FOXF1: variants seen among roughly 807,000 people sequenced by gnomAD.
FOXF1 encodes forkhead box protein F1.
FOXF1 carries 9 observed loss-of-function variants against 26.6 expected under a neutral mutation model. The observed-to-expected ratio is 0.34, with a 90% CI of 0.20 to 0.59. The LOEUF (loss-of-function observed/expected upper bound fraction) is 0.59. Among genes scored for constraint, FOXF1 ranks in the 20% least tolerant of loss-of-function variants. The pLI is 0.83. For missense variants in FOXF1, 499 were observed against 549.9 expected (o/e 0.91, Z 0.93); for synonymous variants, 330 against 257.7 (o/e 1.28, Z -2.69).
Position 86,513,081 on chromosome 16 carries a change from T to C in FOXF1, c.1136T>C (p.Met379Thr), listed in dbSNP as rs775753843. The change falls in exon 2 of 2, where the codon ATG becomes ACG. Residue 379 changes from methionine to threonine, a missense_variant. This residue lies in a region of FOXF1 where 367 missense variants were observed against 324.8 expected (regional missense o/e 1.13). Transcript: ENST00000262426. Reference protein sequence around the residue: ...VTYQDIKPCVM With the variant: ...VTYQDIKPCVT ...TACCAAGACATCAAGCCTTGCGTGA[T>C]GTGAGGCTGCCGCCGCAGGCCCTCC... is the stretch of plus-strand genomic sequence containing the variant. The C allele has an allele frequency of 1.2e-6, 2 of 1,611,092 alleles. No individual in the cohort carries two copies. The highest frequency in any genetic ancestry group is 1.3e-5 in the African/African-American group (1 of 74,930).
chr16:86,511,352 C>T lies in FOXF1; in HGVS notation c.783C>T (p.Ala261=), dbSNP rs1182661380. ...TGAGGVMEPH[A]VYSGSAAAWP... is the part of the protein sequence containing the mutation. ...CCGGTGGGGTCATGGAGCCGCACGC[C>T]GTCTACTCGGGCTCGGCGGCGGCCT... Residue 261 remains alanine, a synonymous_variant, in exon 1 of 2, where the codon GCC becomes GCT. Transcript: ENST00000262426. 1 of 1,554,900 alleles carries T rather than the reference C, an allele frequency of 6.4e-7. No homozygotes were observed. Among genetic ancestry groups the T allele is most frequent in the African/African-American group, 1.4e-5 (1 of 73,452 alleles).
At position 86,510,590 on chromosome 16, in the gene FOXF1, G is replaced by T. The variant is rs1969544468; in HGVS notation, c.21G>T (p.Lys7Asn). The T allele has an allele frequency of 2.2e-6, 3 of 1,383,936 alleles. No individual in the cohort carries two copies. Among genetic ancestry groups the T allele is most frequent in the Non-Finnish European group, 2.8e-6 (3 of 1,076,754 alleles). The allele number at this position is 1,383,936 out of a possible 1,614,324, so 85.7% of individuals were successfully genotyped here. A position where few individuals can be genotyped will look rare whatever the true frequency, so the allele number is the denominator to read the frequency against. MSSAPE[K>N]QQPPHGGGGG... ...ACCCGATGTCTTCGGCGCCCGAGAA[G>T]CAGCAGCCACCGCACGGCGGCGGCG... Residue 7 changes from lysine to asparagine, a missense_variant, in exon 1 of 2, where the codon AAG becomes AAT. Physicochemically the swap from Lys to Asn is moderately conservative, Grantham distance 94 (BLOSUM62 0). Transcript: ENST00000262426.
Position 86,510,800 on chromosome 16 carries a change from C to T in FOXF1, c.231C>T (p.Phe77=), listed in dbSNP as rs775631156. ...KRLTLSEIYQ[F]LQSRFPFFRG... Reference sequence around the variant, plus strand: ...TGACGCTGAGCGAGATCTACCAGTTCCTGCAGAGCCGCTTCCCCTTCTTCC... The same window carrying T: ...TGACGCTGAGCGAGATCTACCAGTTTCTGCAGAGCCGCTTCCCCTTCTTCC... Residue 77 remains phenylalanine (F), a synonymous_variant, in exon 1 of 2, where the codon TTC becomes TTT. Coordinates refer to ENST00000262426, the MANE Select transcript of FOXF1 (RefSeq NM_001451.3). 3 of 1,614,094 alleles carry T rather than the reference C, an allele frequency of 1.9e-6. No individual in the cohort carries two copies. The highest frequency in any genetic ancestry group is 2.7e-5 in the African/African-American group (2 of 74,956).
In FOXF1 at chr16:86,513,833, C is replaced by G. The variant is rs561081601; in HGVS notation, c.*748C>G. The G allele has an allele frequency of 6.6e-6, 1 of 152,458 alleles. No individual in the cohort carries two copies. The highest frequency in any genetic ancestry group is 1.5e-5 in the Non-Finnish European group (1 of 68,078). The allele number at this position is 152,458 out of a possible 1,614,324, so 9.4% of individuals were successfully genotyped here. ...TCCTCTTCCTTCGCTTCAGCCTCTT[C>G]TGTTATGTTTTGTCTTGAATTTTAT... On this transcript the variant is annotated 3_prime_UTR_variant, in exon 2 of 2. Transcript: ENST00000262426.
At position 86,514,119 on chromosome 16, in the gene FOXF1, G is replaced by A. The variant is rs1381677964; in HGVS notation, c.*1034G>A. ...TTATCAGTATTAATGGTGTAACTTT[G>A]TTGGCAATATTTGCCGTGTAGAATT... On this transcript the variant is annotated 3_prime_UTR_variant, in exon 2 of 2. Transcript: ENST00000262426. The A allele has an allele frequency of 1.3e-5, 2 of 152,134 alleles. No individual in the cohort carries two copies. The highest frequency in any genetic ancestry group is 2.9e-5 in the Non-Finnish European group (2 of 68,034). 9.4% of individuals were successfully genotyped at this position (152,134 alleles called of 1,614,324 possible). A position where few individuals can be genotyped will look rare whatever the true frequency, so the allele number is the denominator to read the frequency against.
Position 86,514,583 on chromosome 16 carries a change from CT to C in FOXF1, c.*1504del, listed in dbSNP as rs1194916937. On this transcript the variant is annotated 3_prime_UTR_variant, in exon 2 of 2. Transcript: ENST00000262426. Reference sequence around the variant, plus strand: ...TTTACAATCTGGGTGATTCTGAGTACTTTTTTCTTTTTTGGCAAATCCTCCT... The same window carrying C: ...TTTACAATCTGGGTGATTCTGAGTACTTTTTCTTTTTTGGCAAATCCTCCT... The C allele has an allele frequency of 6.6e-6, 1 of 152,104 alleles. No homozygotes were observed. The highest frequency in any genetic ancestry group is 2.4e-5 in the African/African-American group (1 of 41,428). The allele number at this position is 152,104 out of a possible 1,614,324, so 9.4% of individuals were successfully genotyped here. A position where few individuals can be genotyped will look rare whatever the true frequency, so the allele number is the denominator to read the frequency against.
chr16:86,511,244 G>A lies in FOXF1; in HGVS notation c.675G>A (p.Met225Ile). Residue 225 changes from methionine to isoleucine, a missense_variant, in exon 1 of 2, where the codon ATG (methionine) becomes ATA (isoleucine). Around this residue, in one of 5 missense-constraint regions of FOXF1, gnomAD observed 367 missense variants for 324.8 expected, o/e 1.13. Transcript: ENST00000262426. ...HLPSNGGHSY[M>I]GGCGGAAAGE... ...CTTCCAACGGCGGCCACTCGTACAT[G>A]GGCGGCTGCGGCGGCGCGGCGGCCG... 1 of 1,524,344 alleles carries A rather than the reference G, an allele frequency of 6.6e-7. No individual in the cohort carries two copies. The highest frequency in any genetic ancestry group is 8.8e-7 in the Non-Finnish European group (1 of 1,142,000). The allele number at this position is 1,524,344 out of a possible 1,614,324, so 94.4% of individuals were successfully genotyped here.
rs1038909098 is a variant in FOXF1 at position 86,515,163 on chromosome 16, T to C, written c.*2078T>C. 2 of 152,100 alleles carry C rather than the reference T, an allele frequency of 1.3e-5. No individual in the cohort carries two copies. Among genetic ancestry groups the C allele is most frequent in the Admixed American group, 1.3e-4 (2 of 15,272 alleles). The allele number at this position is 152,100 out of a possible 1,614,324, so 9.4% of individuals were successfully genotyped here. On this transcript the variant is annotated 3_prime_UTR_variant, in exon 2 of 2. Coordinates refer to ENST00000262426, the MANE Select transcript of FOXF1 (RefSeq NM_001451.3). The surrounding 1 kb of genome is among the most constrained non-coding windows in gnomAD (Gnocchi z 4.1). The stretch of plus-strand genomic sequence containing the variant: ...CAGTTCGTCCTCTCTGGGGGAAAAA[T>C]ATTTTTTAACACTTGTACCTTCCAC...
In FOXF1 at chr16:86,512,842, A is replaced by G; in HGVS notation, c.980-83A>G. ...TGACAGGCCCTGTGCGCCCCACGGG[A>G]GCACTGCTCCTCTGCCTGAACTCTG... On this transcript the variant is annotated intron_variant, in intron 1 of 1. Coordinates refer to ENST00000262426, the MANE Select transcript of FOXF1 (RefSeq NM_001451.3). 2.0e-6 allele frequency: 3 copies of G among 1,521,684 alleles called. No individual in the cohort carries two copies. In the South Asian group the frequency reaches 3.4e-5, roughly 17 times the overall value. 94.3% of individuals were successfully genotyped at this position (1,521,684 alleles called of 1,614,324 possible).
intron 1 of FOXF1, among the ~76,000 whole-genome samples, chr16:86,512,307 C>T (rs1040656026): frequency 5.3e-5 from 8 of 152,228 alleles, no homozygotes; most frequent in African/African-American, 1.4e-4. Flanking sequence ...CCAGGCCCCC[C>T]GCAGCCTGCA....
rs1320059362 is a variant in FOXF1 at position 86,514,650 on chromosome 16, AGAG to A, written c.*1568_*1570del. On this transcript the variant is annotated 3_prime_UTR_variant, in exon 2 of 2. Transcript: ENST00000262426. ...TCCACTTTGAAGTAAACGCTGGACA[AGAG>A]GAACTATTTTTCTTGGCTTCTGTTT... is the stretch of plus-strand genomic sequence containing the variant. The A allele has an allele frequency of 6.6e-5, 10 of 152,168 alleles. No individual in the cohort carries two copies. Among genetic ancestry groups the A allele is most frequent in the Admixed American group, 6.5e-4 (10 of 15,276 alleles). The allele number at this position is 152,168 out of a possible 1,614,324, so 9.4% of individuals were successfully genotyped here.
rs1210347894 is a variant in FOXF1 at position 86,513,238 on chromosome 16, T to G, written c.*153T>G. ...GGAGTTTTTGGCAAGGAGTCCCCAA[T>G]GCAAAGACACAGCGCTGCGGTTGGC... is the stretch of plus-strand genomic sequence containing the variant. On this transcript the variant is annotated 3_prime_UTR_variant, in exon 2 of 2. Transcript: ENST00000262426. The G allele has an allele frequency of 8.4e-6, 6 of 713,554 alleles. No homozygotes were observed. The highest frequency in any genetic ancestry group is 1.4e-5 in the Non-Finnish European group (6 of 426,758). 44.2% of individuals were successfully genotyped at this position (713,554 alleles called of 1,614,324 possible).
chr16:86,512,950 G>A lies in FOXF1; in HGVS notation c.1005G>A (p.Ser335=), dbSNP rs754997103. Residue 335 remains serine, a synonymous_variant, in exon 2 of 2, where the codon TCG becomes TCA. Transcript: ENST00000262426. ...GCATCCCGCGGTATCACTCGCAGTCGCCCAGCATGTGTGACCGAAAGGAGT... is the reference window on the plus strand; with the variant it reads ...GCATCCCGCGGTATCACTCGCAGTCACCCAGCATGTGTGACCGAAAGGAGT... The part of the protein sequence containing the change: ...LQGIPRYHSQ[S]PSMCDRKEFV... 8 of 1,614,128 alleles carry A rather than the reference G, an allele frequency of 5.0e-6. No homozygotes were observed. Among genetic ancestry groups the A allele is most frequent in the South Asian group, 3.3e-5 (3 of 91,066 alleles).
At chr16:86,512,772 A>T (rs1311553513) in intron 1 of FOXF1, among the ~76,000 whole-genome samples, 153 bp from the exon 2 acceptor site, 1 of 152,098 alleles carries the variant, frequency 6.6e-6, no homozygotes, top group African/African-American at 2.4e-5. Context: ...GAAGGCCGGG[A>T]CTCGGGGAGG....
At position 86,511,330 on chromosome 16, in the gene FOXF1, G is replaced by T; in HGVS notation, c.761G>T (p.Gly254Val). The change falls in exon 1 of 2, where the codon GGT becomes GTT. Residue 254 changes from glycine (G) to valine (V), a missense_variant. By Grantham distance (109) the Gly-to-Val change is moderately radical. This residue lies in a region of FOXF1 where 367 missense variants were observed against 324.8 expected (regional missense o/e 1.13). Transcript: ENST00000262426. Reference sequence around the variant, plus strand: ...TCCCCGCTGCTGCCCACCGGCGCCGGTGGGGTCATGGAGCCGCACGCCGTC... The same window carrying T: ...TCCCCGCTGCTGCCCACCGGCGCCGTTGGGGTCATGGAGCCGCACGCCGTC... ...PASPLLPTGA[G>V]GVMEPHAVYS... The T allele has an allele frequency of 6.5e-7, 1 of 1,527,274 alleles. No individual in the cohort carries two copies. Among genetic ancestry groups the T allele is most frequent in the Non-Finnish European group, 8.7e-7 (1 of 1,145,414 alleles). The allele number at this position is 1,527,274 out of a possible 1,614,324, so 94.6% of individuals were successfully genotyped here. A position where few individuals can be genotyped will look rare whatever the true frequency, so the allele number is the denominator to read the frequency against.
Position 86,510,552 on chromosome 16 carries a change from G to T in FOXF1, c.-18G>T, listed in dbSNP as rs968203815. 2.3e-6 allele frequency: 3 copies of T among 1,307,208 alleles called. No individual in the cohort carries two copies. The highest frequency in any genetic ancestry group is 2.9e-6 in the Non-Finnish European group (3 of 1,032,036). The allele number at this position is 1,307,208 out of a possible 1,614,324, so 81.0% of individuals were successfully genotyped here. On this transcript the variant is annotated 5_prime_UTR_variant, in exon 1 of 2. Coordinates refer to ENST00000262426, the MANE Select transcript of FOXF1 (RefSeq NM_001451.3). ...GCAGAGCAGCGGCGGCAGCGGCGGCGGCGGCAGCAGCCACCCGATGTCTTC... is the reference window on the plus strand; with the variant it reads ...GCAGAGCAGCGGCGGCAGCGGCGGCTGCGGCAGCAGCCACCCGATGTCTTC...
chr16:86,511,567 G>A lies in FOXF1; in HGVS notation c.979+19G>A, dbSNP rs760262976. On this transcript the variant is annotated intron_variant, in intron 1 of 1. Coordinates refer to ENST00000262426, the MANE Select transcript of FOXF1 (RefSeq NM_001451.3). ...CTGCAAGGTGAGTGGGGAGGCCGAG[G>A]GCGCCCTGGTCCCCGGGAAGTCGAG... The A allele has an allele frequency of 3.2e-6, 5 of 1,571,024 alleles. No individual in the cohort carries two copies. The East Asian group carries it at 1.2e-4, about 36-fold the overall frequency.
chr16:86,512,584 C>T (rs1248851718), intron 1 of FOXF1, among the ~76,000 whole-genome samples: 7 of 152,334 alleles, frequency 4.6e-5, no homozygotes, highest in African/African-American at 1.4e-4. Flanking sequence ...CTGGCGGTGA[C>T]GGCCATGGGC....
Position 86,513,298 on chromosome 16 carries a change from A to C in FOXF1, c.*213A>C. ...CTCACTCCTTCAAAATTGTTAAGAA[A>C]TGTTAGTGGTGGGTCTGATCTGACT... On this transcript the variant is annotated 3_prime_UTR_variant, in exon 2 of 2. Transcript: ENST00000262426. 3.4e-6 allele frequency: 2 copies of C among 582,638 alleles called. No individual in the cohort carries two copies. The highest frequency in any genetic ancestry group is 2.9e-5 in the East Asian group (1 of 33,908). The allele number at this position is 582,638 out of a possible 1,614,324, so 36.1% of individuals were successfully genotyped here. A position where few individuals can be genotyped will look rare whatever the true frequency, so the allele number is the denominator to read the frequency against.
Sources: allele counts gnomAD v4.1 joint callset (sites outside exome capture counted in the v4.1 genomes callset), GRCh38; gene constraint gnomAD v4.1.1; regional missense constraint gnomAD v4.1.1; non-coding constraint Gnocchi (gnomAD v3.1); transcripts MANE v1.5; gene names NCBI Gene and HGNC (gene_info 2026-07-23, HGNC 2026-07-21).